Variants in ADAM18 observed in about 807,000 individuals in gnomAD.
The protein encoded by ADAM18 is disintegrin and metalloproteinase domain-containing protein 18.
A neutral mutation model predicts 94.4 loss-of-function variants in ADAM18; 117 were observed. The observed-to-expected ratio is 1.24, with a 90% CI of 1.07 to 1.45. The LOEUF is 1.45. ADAM18 is among the 40% of genes most tolerant of loss of function. The probability of loss-of-function intolerance (pLI) is 0.00; values close to 1 mark genes in which losing one functional copy is unlikely to be tolerated. For missense variants in ADAM18, 936 were observed against 880.0 expected, an observed-to-expected ratio of 1.06 and a Z score of -0.81; for synonymous variants, 327 against 291.6, an observed-to-expected ratio of 1.12 and a Z score of -1.24.
At chr8:39,677,818 A>G (rs1309263708) in intron 15 of ADAM18, among the ~76,000 whole-genome samples, 1 of 152,192 alleles carries the variant, frequency 6.6e-6, no homozygotes, top group Non-Finnish European at 1.5e-5. Context: ...GAGAATTCAA[A>G]TGAAGTTTTG....
intron 12 of ADAM18, among the ~76,000 whole-genome samples, chr8:39,661,319 ATTTTTTTTTT>A (rs71518171): frequency 8.9e-5 from 10 of 112,822 alleles, no homozygotes; most frequent in Non-Finnish European, 1.5e-4. Context: ...CACCCGGCAA[ATTTTTTTTTT>A]TTTTTTTTTT....
intron 5 of ADAM18, among the ~76,000 whole-genome samples, chr8:39,610,318 G>A (rs967717832): frequency 7.6e-4 from 116 of 152,114 alleles, no homozygotes; most frequent in Non-Finnish European, 1.5e-4. Flanking sequence ...ATTGCATTTA[G>A]ATCTTTAAAA....
intron 17 of ADAM18, among the ~76,000 whole-genome samples, chr8:39,696,563 A>T (rs936175768): frequency 2.6e-5 from 4 of 151,522 alleles, no homozygotes; most frequent in African/African-American, 7.3e-5. Flanking sequence ...TGTTTGAGAT[A>T]AGAGTCTAAC....
intron 11 of ADAM18, among the ~76,000 whole-genome samples, chr8:39,646,380 A>C (rs940054055): frequency 2.6e-5 from 4 of 152,148 alleles, no homozygotes; most frequent in African/African-American, 9.7e-5. Context: ...AATTAAAAAC[A>C]ATTAAAACAA....
rs544042068 is a variant in ADAM18 at position 39,695,013 on chromosome 8, G to A, written c.1902+2333G>A. On this transcript the variant is annotated intron_variant, in intron 17 of 19. Coordinates refer to ENST00000265707, the MANE Select transcript of ADAM18 (RefSeq NM_014237.3). Reference sequence around the variant, plus strand: ...CCCATGAACTTTTTACTGTTTCTTAGTAATATTTATTTATGATCCCTCCAT... The same window carrying A: ...CCCATGAACTTTTTACTGTTTCTTAATAATATTTATTTATGATCCCTCCAT... 6.4e-4 allele frequency among the ~76,000 whole-genome samples: 97 copies of A among 151,398 alleles called. 2 individuals are homozygous for A. The South Asian group carries it at 0.019, about 29-fold the overall frequency.
rs1586022208 is a variant in ADAM18 at position 39,727,953 on chromosome 8, C to T, written c.2178-1945C>T. ...TCGGCTCACAGTTCTGCAGGCTTTA[C>T]AGGAAGCATGGTGCTGGCTTCTGCT... is the stretch of plus-strand genomic sequence containing the variant. On this transcript the variant is annotated intron_variant, in intron 19 of 19. Coordinates refer to ENST00000265707, the MANE Select transcript of ADAM18 (RefSeq NM_014237.3). Among the ~76,000 whole-genome samples, 3 of 152,282 alleles carry T rather than the reference C, an allele frequency of 2.0e-5. 1 individual carries two copies. Among genetic ancestry groups the T allele is most frequent in the South Asian group, 4.1e-4 (2 of 4,832 alleles).
Position 39,629,405 on chromosome 8 carries a change from A to G in ADAM18, c.554A>G (p.Tyr185Cys), listed in dbSNP as rs1230814428. 1 of 1,585,690 alleles carries G rather than the reference A, an allele frequency of 6.3e-7. No individual in the cohort carries two copies. Among genetic ancestry groups the G allele is most frequent in the Non-Finnish European group, 8.6e-7 (1 of 1,164,050 alleles). Residue 185 changes from tyrosine (Y) to cysteine (C), a missense_variant, in exon 7 of 20, where the codon TAT becomes TGT. Tyr to Cys is a radical substitution (Grantham distance 194). Transcript: ENST00000265707. ...IKNLSKLLPQ[Y>C]LEIYIIVEKA... ...AATCTTTCAAAACTATTACCCCAAT[A>G]TCTGGAAATATACATTATAGTGGAA... is the stretch of plus-strand genomic sequence containing the variant.
At chr8:39,717,936 T>A (rs1314198177) in intron 18 of ADAM18, among the ~76,000 whole-genome samples, 1 of 151,482 alleles carries the variant, frequency 6.6e-6, no homozygotes, top group African/African-American at 2.4e-5. Flanking sequence ...TGAGTAGACA[T>A]TGCTTCAAGA....
At chr8:39,674,712 C>T (rs182876633) in intron 14 of ADAM18, among the ~76,000 whole-genome samples, 11,401 of 152,068 alleles carry the variant, frequency 0.075, 1,303 homozygotes, top group African/African-American at 0.25. Flanking sequence ...AGTTTCTTCT[C>T]TACATCGATG....
intron 3 of ADAM18, 74 bp downstream of exon 3, chr8:39,606,436 G>C (rs765913978): frequency 3.2e-5 from 31 of 960,792 alleles, no homozygotes; most frequent in Non-Finnish European, 4.8e-5. Context: ...TAAAGTTTTT[G>C]TGCAGTATTT....
intron 6 of ADAM18, among the ~76,000 whole-genome samples, 156 bp from the exon 7 acceptor site, chr8:39,629,218 T>C (rs1180841776): frequency 6.6e-6 from 1 of 152,012 alleles, no homozygotes; most frequent in Non-Finnish European, 1.5e-5. Context: ...TTGGAATATG[T>C]TTTGAAGTAA....
At chr8:39,690,100 G>T (rs564157603) in intron 16 of ADAM18, among the ~76,000 whole-genome samples, 1 of 152,316 alleles carries the variant, frequency 6.6e-6, no homozygotes, top group South Asian at 2.1e-4. Flanking sequence ...AGCTTAGGAA[G>T]CTTTTGCGCT....
intron 16 of ADAM18, among the ~76,000 whole-genome samples, chr8:39,685,994 AT>A (rs1208780851): frequency 6.6e-6 from 1 of 151,924 alleles, no homozygotes; most frequent in Non-Finnish European, 1.5e-5. Context: ...TTCACCTTCC[AT>A]TTTCCTACCA....
At chr8:39,712,598 C>A (rs1428726341) in intron 18 of ADAM18, among the ~76,000 whole-genome samples, 1 of 152,200 alleles carries the variant, frequency 6.6e-6, no homozygotes, top group Non-Finnish European at 1.5e-5. Context: ...AGCAAAGTCT[C>A]AGGATACAAA....
chr8:39,609,273 C>T (rs918409765), intron 4 of ADAM18, among the ~76,000 whole-genome samples, 153 bp downstream of exon 4: 4 of 151,970 alleles, frequency 2.6e-5, no homozygotes, highest in Admixed American at 1.3e-4. Context: ...AGATGAAACC[C>T]AGCTGCAAGC....
chr8:39,688,464 TGTAA>T (rs1364561286), intron 16 of ADAM18, among the ~76,000 whole-genome samples: 1 of 152,158 alleles, frequency 6.6e-6, no homozygotes, highest in Non-Finnish European at 1.5e-5. Flanking sequence ...AGCTCCCACT[TGTAA>T]GTGAGAACAT....
At chr8:39,655,507 C>T (rs1305979084) in intron 12 of ADAM18, among the ~76,000 whole-genome samples, 4 of 152,026 alleles carry the variant, frequency 2.6e-5, no homozygotes, top group Non-Finnish European at 5.9e-5. Context: ...AAGAGGGAAA[C>T]TCACTATATT....
intron 12 of ADAM18, among the ~76,000 whole-genome samples, 198 bp downstream of exon 12, chr8:39,648,725 C>T (rs1370744902): frequency 6.6e-6 from 1 of 152,152 alleles, no homozygotes; most frequent in Non-Finnish European, 1.5e-5. Context: ...CTGTCATTAA[C>T]ACTAGGTTTG....
intron 12 of ADAM18, among the ~76,000 whole-genome samples, chr8:39,660,525 T>C (rs914356212): frequency 2.6e-5 from 4 of 152,152 alleles, no homozygotes; most frequent in Admixed American, 6.5e-5. Context: ...ATGAAAATGG[T>C]ATAATTCATC....
Sources: allele counts gnomAD v4.1 joint callset (sites outside exome capture counted in the v4.1 genomes callset), GRCh38; gene constraint gnomAD v4.1.1; transcripts MANE v1.5; gene names NCBI Gene and HGNC (gene_info 2026-07-23, HGNC 2026-07-21).